RIGI: variants seen among roughly 807,000 people sequenced by gnomAD.
The protein encoded by RIGI is RNA sensor RIG-I.
chr9:32,463,762 A>G, the RIGI span, among the ~76,000 whole-genome samples: 1 of 151,702 alleles, frequency 6.6e-6, no homozygotes, highest in Non-Finnish European at 1.5e-5. Context: ...AAAGCAAACT[A>G]TCTTAATTAT....
chr9:32,503,664 T>A, the RIGI span, among the ~76,000 whole-genome samples: 1 of 152,152 alleles, frequency 6.6e-6, no homozygotes, highest in East Asian at 1.9e-4. Context: ...GTCCAGAAAG[T>A]GCTACCAAAG....
chr9:32,489,830 C>G, the RIGI span, among the ~76,000 whole-genome samples: 1 of 152,176 alleles, frequency 6.6e-6, no homozygotes, highest in Admixed American at 6.5e-5. Context: ...AAACTGTTAA[C>G]ATTGGATTCT....
the RIGI span, among the ~76,000 whole-genome samples, chr9:32,482,235 C>T: frequency 6.6e-6 from 1 of 151,574 alleles, no homozygotes; most frequent in East Asian, 1.9e-4. Context: ...TTCTTGAGTA[C>T]TGTGTACCAA....
At chr9:32,469,543 T>C in the RIGI span, among the ~76,000 whole-genome samples, 1 of 152,176 alleles carries the variant, frequency 6.6e-6, no homozygotes, top group Non-Finnish European at 1.5e-5. Context: ...CCGAGTGCAC[T>C]TCCGAACTGC....
the RIGI span, chr9:32,485,647 T>A: frequency 2.5e-6 from 1 of 393,894 alleles, no homozygotes; most frequent in Non-Finnish European, 4.9e-6. Context: ...TTCAAGTGAT[T>A]CTTCTGCCTC....
chr9:32,523,916 T>C, the RIGI span, among the ~76,000 whole-genome samples: 1 of 151,960 alleles, frequency 6.6e-6, no homozygotes, highest in Non-Finnish European at 1.5e-5. Context: ...AATGCCACCA[T>C]ACTAATATTT....
chr9:32,485,590 G>C, the RIGI span: 1 of 425,500 alleles, frequency 2.4e-6, no homozygotes, highest in Non-Finnish European at 4.5e-6. Flanking sequence ...ACCCAGGCTG[G>C]AGTACAGTGG....
chr9:32,505,993 G>T, the RIGI span, among the ~76,000 whole-genome samples: 1 of 152,164 alleles, frequency 6.6e-6, no homozygotes, highest in Admixed American at 6.5e-5. Flanking sequence ...AAGGCAGGCG[G>T]ATCACTTGAG....
the RIGI span, among the ~76,000 whole-genome samples, chr9:32,486,995 A>C: frequency 1.3e-5 from 2 of 152,206 alleles, no homozygotes; most frequent in African/African-American, 4.8e-5. Context: ...TAGTGTAATA[A>C]TAACATCAAT....
the RIGI span, chr9:32,466,177 C>CTTT: frequency 9.1e-7 from 1 of 1,104,552 alleles, no homozygotes; most frequent in Non-Finnish European, 1.3e-6. Context: ...TAAGTATAAA[C>CTTT]TTTTTGTTGT....
chr9:32,484,460 T>G, the RIGI span, among the ~76,000 whole-genome samples: 1 of 152,212 alleles, frequency 6.6e-6, no homozygotes, highest in Non-Finnish European at 1.5e-5. Context: ...AGGCTGCTTC[T>G]AGTCCTGGTA....
the RIGI span, chr9:32,457,244 C>A: frequency 1.9e-6 from 3 of 1,614,136 alleles, no homozygotes; most frequent in Non-Finnish European, 2.5e-6. Flanking sequence ...ATTTTTATAA[C>A]TGGAATCTCA....
chr9:32,514,388 C>T, the RIGI span, among the ~76,000 whole-genome samples: 8 of 152,044 alleles, frequency 5.3e-5, no homozygotes, highest in Non-Finnish European at 7.4e-5. Flanking sequence ...TGGAATACTA[C>T]GCAGCCATAA....
At chr9:32,464,144 C>G in the RIGI span, among the ~76,000 whole-genome samples, 1 of 151,810 alleles carries the variant, frequency 6.6e-6, no homozygotes, top group African/African-American at 2.4e-5. Flanking sequence ...TCTGCCAGTA[C>G]TCTGCTCATC....
chr9:32,498,196 G>C, the RIGI span: 2 of 443,090 alleles, frequency 4.5e-6, no homozygotes, highest in Non-Finnish European at 9.1e-6. Context: ...TGCAGTGAGA[G>C]TTTTCATGTC....
the RIGI span, among the ~76,000 whole-genome samples, chr9:32,486,453 CAAA>C: frequency 6.1e-4 from 37 of 60,830 alleles, no homozygotes; most frequent in African/African-American, 1.9e-3. Flanking sequence ...GACTCTGTCT[CAAA>C]AAAAAAAAAA....
the RIGI span, chr9:32,481,391 A>G: frequency 4.5e-5 from 73 of 1,613,470 alleles, no homozygotes; most frequent in Non-Finnish European, 5.5e-5. Flanking sequence ...TGCTCTCTTC[A>G]TCTTTGTCTG....
chr9:32,487,728 T>C, the RIGI span: 7 of 1,460,398 alleles, frequency 4.8e-6, no homozygotes, highest in Non-Finnish European at 6.5e-6. Context: ...GTAGGGCGTT[T>C]TTTTGTTTTT....
chr9:32,497,532 G>A, the RIGI span, among the ~76,000 whole-genome samples: 2 of 152,174 alleles, frequency 1.3e-5, no homozygotes, highest in African/African-American at 4.8e-5. Context: ...CGGATCACAA[G>A]GTCAGGAGAT....
Sources: allele counts gnomAD v4.1 joint callset (sites outside exome capture counted in the v4.1 genomes callset), GRCh38; gene constraint gnomAD v4.1.1; transcripts MANE v1.5; gene names NCBI Gene and HGNC (gene_info 2026-07-23, HGNC 2026-07-21).